ULK4: variants seen among roughly 807,000 people sequenced by gnomAD.
ULK4 encodes the protein inactive serine/threonine-protein kinase ULK4.
A neutral mutation model predicts 160.6 loss-of-function variants in ULK4; 133 were observed. The observed-to-expected ratio is 0.83, with a 90% CI of 0.72 to 0.96. The LOEUF is 0.96. Among genes scored for constraint, ULK4 ranks in the 40% least tolerant of loss-of-function variants. ULK4 has a pLI of 0.00. For missense variants in ULK4, 1,580 were observed against 1,499.5 expected, an observed-to-expected ratio of 1.05 and a Z score of -0.89; for synonymous variants, 534 against 539.8, an observed-to-expected ratio of 0.99 and a Z score of 0.15.
At position 41,735,400 on chromosome 3, in the gene ULK4, C is replaced by G. The variant is rs1321247568; in HGVS notation, c.2322-17539G>C. Among the ~76,000 whole-genome samples, 8 of 152,090 alleles carry G rather than the reference C, an allele frequency of 5.3e-5. 1 individual carries two copies. The highest frequency in any genetic ancestry group is 5.2e-4 in the Admixed American group (8 of 15,258). ...TCCTTGCTTTTTAACTTAATTCAGG[C>G]TTCTCCTTAAAGATGCCATCATCCC... On this transcript the variant is annotated intron_variant, in intron 22 of 36. Coordinates refer to ENST00000301831, the MANE Select transcript of ULK4 (RefSeq NM_017886.4).
chr3:41,564,640 G>T (rs1042989167), intron 32 of ULK4, among the ~76,000 whole-genome samples: 10 of 151,626 alleles, frequency 6.6e-5, no homozygotes, highest in Non-Finnish European at 1.3e-4. Context: ...TCTATTTTTA[G>T]TAGAGATGGG....
At chr3:41,830,002 T>C (rs1399170975) in intron 18 of ULK4, among the ~76,000 whole-genome samples, 3 of 151,838 alleles carry the variant, frequency 2.0e-5, no homozygotes, top group Admixed American at 6.6e-5. Context: ...TGTAGGGACA[T>C]GGATGAAGCT....
At chr3:41,574,940 C>CA (rs113018034) in intron 31 of ULK4, among the ~76,000 whole-genome samples, 50,899 of 151,934 alleles carry the variant, frequency 0.34, 8,827 homozygotes, top group African/African-American at 0.4. Context: ...CACTGGTTCA[C>CA]GTAGGCCCAA....
intron 32 of ULK4, among the ~76,000 whole-genome samples, chr3:41,505,100 G>T (rs1470640346): frequency 6.6e-6 from 1 of 152,104 alleles, no homozygotes; most frequent in Admixed American, 6.6e-5. Context: ...ATACCAGTAA[G>T]CTACTATCTG....
intron 29 of ULK4, among the ~76,000 whole-genome samples, chr3:41,678,030 T>C (rs2035787841): frequency 6.6e-6 from 1 of 152,160 alleles, no homozygotes; most frequent in Admixed American, 6.6e-5. Flanking sequence ...ACACTGGCTC[T>C]TCTTCAGTCT....
chr3:41,346,968 A>G (rs1216116765), intron 35 of ULK4, among the ~76,000 whole-genome samples: 1 of 152,194 alleles, frequency 6.6e-6, no homozygotes, highest in East Asian at 1.9e-4. Context: ...AAAATAATCT[A>G]CAATACATGG....
In ULK4 at chr3:41,754,489, C is replaced by T; in HGVS notation, c.2194-1G>A. 1 of 1,603,712 alleles carries T rather than the reference C, an allele frequency of 6.2e-7. No homozygotes were observed. Among genetic ancestry groups the T allele is most frequent in the Middle Eastern group, 1.7e-4 (1 of 5,898 alleles). ...AACGGATAATTGTGGAGACAAAACC[C>T]TGTAGAAGACATTTAAACAATTTTT... On this transcript the variant is annotated splice_acceptor_variant, in intron 21 of 36. Transcript: ENST00000301831. LOFTEE classifies it high-confidence loss of function.
intron 17 of ULK4, among the ~76,000 whole-genome samples, chr3:41,836,625 G>A (rs943744869): frequency 3.3e-5 from 5 of 152,116 alleles, no homozygotes; most frequent in African/African-American, 4.8e-5. Flanking sequence ...ATCCTAAAAC[G>A]AATTTTACCA....
At chr3:41,868,246 T>C (rs1158572543) in intron 17 of ULK4, among the ~76,000 whole-genome samples, 3 of 152,210 alleles carry the variant, frequency 2.0e-5, no homozygotes, top group Non-Finnish European at 4.4e-5. Context: ...TCAATTTTTC[T>C]TTCATATATT....
At chr3:41,492,796 G>C (rs1481077010) in intron 32 of ULK4, among the ~76,000 whole-genome samples, 1 of 147,918 alleles carries the variant, frequency 6.8e-6, no homozygotes, top group Non-Finnish European at 1.5e-5. Context: ...TGATAAAACA[G>C]ACTTTAAACC....
intron 30 of ULK4, among the ~76,000 whole-genome samples, chr3:41,644,663 T>C (rs928329435): frequency 5.1e-4 from 77 of 151,912 alleles, no homozygotes; most frequent in African/African-American, 1.7e-3. Flanking sequence ...TCTTTTTTGG[T>C]TGTGTCTCTG....
chr3:41,266,683 A>T (rs2079040594), intron 35 of ULK4, among the ~76,000 whole-genome samples: 1 of 152,202 alleles, frequency 6.6e-6, no homozygotes, highest in Non-Finnish European at 1.5e-5. Flanking sequence ...ATAGCATACA[A>T]GTGCTTCATG....
intron 30 of ULK4, among the ~76,000 whole-genome samples, chr3:41,650,314 G>A (rs968060381): frequency 9.2e-5 from 14 of 152,152 alleles, no homozygotes; most frequent in African/African-American, 2.2e-4. Context: ...CCCCCTGCTC[G>A]CCATGTTGCA....
At chr3:41,650,563 C>T (rs2034700199) in intron 30 of ULK4, among the ~76,000 whole-genome samples, 1 of 152,248 alleles carries the variant, frequency 6.6e-6, no homozygotes, top group Non-Finnish European at 1.5e-5. Flanking sequence ...CCGCAGACGG[C>T]ACACCTGACT....
At chr3:41,959,363 C>A (rs1328964699) in intron 1 of ULK4, among the ~76,000 whole-genome samples, 19 of 133,096 alleles carry the variant, frequency 1.4e-4, no homozygotes, top group South Asian at 2.5e-4. Context: ...GATTCCATCT[C>A]AAAAAAAAAA....
chr3:41,381,262 T>A lies in ULK4; in HGVS notation c.3678+16817A>T, dbSNP rs569314097. 2.6e-4 allele frequency among the ~76,000 whole-genome samples: 40 copies of A among 152,284 alleles called. No individual in the cohort carries two copies. The South Asian group carries it at 5.6e-3, about 21-fold the overall frequency. On this transcript the variant is annotated intron_variant, in intron 35 of 36. Transcript: ENST00000301831. ...GATCTTGTCGTCCTCCACACTTGAT[T>A]CACTCTCCTCATTTTAACCTATACC...
intron 35 of ULK4, among the ~76,000 whole-genome samples, chr3:41,358,832 T>G (rs968157010): frequency 1.3e-5 from 2 of 152,080 alleles, no homozygotes; most frequent in African/African-American, 4.8e-5. Context: ...AGGATGGCTC[T>G]GGCTGCTGTG....
chr3:41,781,372 G>A (rs146023956), intron 21 of ULK4, among the ~76,000 whole-genome samples: 10,738 of 148,794 alleles, frequency 0.072, 1,212 homozygotes, highest in African/African-American at 0.24. Flanking sequence ...AGCCAAGATC[G>A]CGCCACCGCA....
chr3:41,942,544 G>A (rs548744285), intron 2 of ULK4, among the ~76,000 whole-genome samples: 21 of 152,018 alleles, frequency 1.4e-4, no homozygotes, highest in Non-Finnish European at 1.9e-4. Flanking sequence ...TAGGCCGGGC[G>A]CGGTGGCTCA....
Sources: gnomAD v4.1 joint callset for allele counts (sites outside exome capture counted in the v4.1 genomes callset) on GRCh38, gnomAD v4.1.1 for gene constraint, MANE v1.5 for transcripts, NCBI Gene and HGNC (gene_info 2026-07-23, HGNC 2026-07-21) for gene names.